The following DHRSX variants were observed in gnomAD, a reference collection of about 807,000 sequenced individuals.
DHRSX encodes the protein dehydrogenase/reductase X-linked.
Under a neutral mutation model 34.0 loss-of-function variants are expected in DHRSX, and 31 were observed. The observed-to-expected ratio is 0.91, with a 90% CI of 0.69 to 1.23. The LOEUF (loss-of-function observed/expected upper bound fraction) is 1.23, where lower values mean the gene tolerates loss of function less well. Ranked by LOEUF, DHRSX falls within the 50% of genes most tolerant of loss-of-function variation. DHRSX has a pLI of 0.00. For synonymous variants in DHRSX, 201 were observed against 183.8 expected, an observed-to-expected ratio of 1.09 and a Z score of -0.76; for missense variants, 414 against 428.1, an observed-to-expected ratio of 0.97 and a Z score of 0.29.
intron 4 of DHRSX, among the ~76,000 whole-genome samples, chrX:2,270,996 G>A (rs2041545693): frequency 6.6e-6 from 1 of 152,192 alleles, no homozygotes; most frequent in South Asian, 2.1e-4. Flanking sequence ...GATGTGGGCG[G>A]GGCCAAATAA....
rs2045408485 is a variant in DHRSX, at chrX:2,500,799, C to G, written c.109+18G>C. ...ACCCGGGTCCCCGGAGCCCTGACCCCTGCCCCGCCCCGCTGACCTGGCTCC... is the reference window on the plus strand; with the variant it reads ...ACCCGGGTCCCCGGAGCCCTGACCCGTGCCCCGCCCCGCTGACCTGGCTCC... On this transcript the variant is annotated intron_variant, in intron 1 of 6. Coordinates refer to ENST00000334651, the MANE Select transcript of DHRSX (RefSeq NM_145177.3). 9.0e-7 allele frequency: 1 copy of G among 1,114,444 alleles called. No individual in the cohort carries two copies. 69.0% of individuals were successfully genotyped at this position (1,114,444 alleles called of 1,614,324 possible).
At chrX:2,362,334 T>C (rs1022662862) in intron 3 of DHRSX, among the ~76,000 whole-genome samples, 5 of 152,208 alleles carry the variant, frequency 3.3e-5, no homozygotes, top group African/African-American at 1.2e-4. Context: ...AGAGTCTCAC[T>C]CTGTTGACCA....
chrX:2,450,010 A>G (rs2044194399), intron 1 of DHRSX, among the ~76,000 whole-genome samples: 1 of 152,112 alleles, frequency 6.6e-6, no homozygotes, highest in Non-Finnish European at 1.5e-5. Flanking sequence ...AACACAGATT[A>G]CCGAATTACA....
At chrX:2,231,364 A>C (rs1365210555) in intron 6 of DHRSX, among the ~76,000 whole-genome samples, 1 of 151,792 alleles carries the variant, frequency 6.6e-6, no homozygotes, top group Non-Finnish European at 1.5e-5. Flanking sequence ...TGAGCCTGAG[A>C]GAACCTCCCT....
chrX:2,472,871 T>C (rs1382329356), intron 1 of DHRSX, among the ~76,000 whole-genome samples: 1 of 152,138 alleles, frequency 6.6e-6, no homozygotes, highest in Non-Finnish European at 1.5e-5. Context: ...TCTTAGGAAA[T>C]CAGGGATTTC....
At chrX:2,283,320 G>A (rs2041754852) in intron 4 of DHRSX, among the ~76,000 whole-genome samples, 2 of 151,992 alleles carry the variant, frequency 1.3e-5, no homozygotes, top group South Asian at 4.2e-4. Flanking sequence ...AGGCGCCATC[G>A]GGAGAGGCAG....
intron 1 of DHRSX, chrX:2,488,708 T>C (rs759023776): frequency 5.6e-6 from 9 of 1,613,898 alleles, no homozygotes; most frequent in Middle Eastern, 1.7e-4. Context: ...CACCTGCTCC[T>C]GGTCCAGGCC....
chrX:2,250,205 T>C (rs1034570004), intron 5 of DHRSX, among the ~76,000 whole-genome samples: 2 of 151,716 alleles, frequency 1.3e-5, no homozygotes, highest in African/African-American at 4.8e-5. Context: ...CAAAAAGTCT[T>C]TTCTGGCTGG....
At chrX:2,398,739 G>A (rs1047327706) in intron 3 of DHRSX, among the ~76,000 whole-genome samples, 12 of 146,570 alleles carry the variant, frequency 8.2e-5, no homozygotes, top group African/African-American at 3.1e-4. Flanking sequence ...GTGCGATCTC[G>A]GCTCACTGAA....
chrX:2,373,336 T>C (rs1331013243), intron 3 of DHRSX, among the ~76,000 whole-genome samples: 5 of 152,152 alleles, frequency 3.3e-5, no homozygotes, highest in Non-Finnish European at 5.9e-5. Context: ...GCCAGAATCC[T>C]CACACTCTTT....
At chrX:2,480,597 C>T (rs945924232) in intron 1 of DHRSX, among the ~76,000 whole-genome samples, 2 of 151,798 alleles carry the variant, frequency 1.3e-5, no homozygotes, top group African/African-American at 2.4e-5. Context: ...GCAGGAGGAT[C>T]GCTTCAGCCC....
rs1056776161 is a variant in DHRSX, at chrX:2,391,972, C to T, written c.286+16773G>A. Among the ~76,000 whole-genome samples the T allele has an allele frequency of 2.8e-4, 42 of 152,174 alleles. 3 individuals are homozygous for T. The highest frequency in any genetic ancestry group is 2.0e-3 in the Admixed American group (31 of 15,272). The stretch of plus-strand genomic sequence containing the variant: ...AATTCAAGAGGGACTGTGAAAAGAG[C>T]AGTGATTGCTACACAGTCCAAGGCG... On this transcript the variant is annotated intron_variant, in intron 3 of 6. Coordinates refer to ENST00000334651, the MANE Select transcript of DHRSX (RefSeq NM_145177.3).
intron 1 of DHRSX, among the ~76,000 whole-genome samples, chrX:2,482,690 G>A (rs2044792871): frequency 6.6e-6 from 1 of 152,202 alleles, no homozygotes; most frequent in South Asian, 2.1e-4. Flanking sequence ...TGTGGATACA[G>A]TTTTGGAAGC....
intron 1 of DHRSX, among the ~76,000 whole-genome samples, chrX:2,448,307 T>C (rs1035927128): frequency 6.6e-6 from 1 of 152,180 alleles, no homozygotes; most frequent in African/African-American, 2.4e-5. Context: ...CACTCCACCG[T>C]GGGTGATAGG....
intron 3 of DHRSX, among the ~76,000 whole-genome samples, chrX:2,353,170 G>A (rs1336458193): frequency 2.0e-5 from 3 of 152,240 alleles, no homozygotes; most frequent in Admixed American, 6.5e-5. Flanking sequence ...GCTTGAGCCC[G>A]GAGGCAGAAA....
At chrX:2,291,627 A>G in intron 3 of DHRSX, 24 bp from the exon 4 acceptor site, 1 of 1,549,602 alleles carries the variant, frequency 6.5e-7, no homozygotes, top group Non-Finnish European at 8.9e-7. Flanking sequence ...ACAACAAAAA[A>G]TACCTGGTTA....
intron 1 of DHRSX, among the ~76,000 whole-genome samples, chrX:2,445,086 G>A (rs1386308292): frequency 6.6e-6 from 1 of 152,150 alleles, no homozygotes; most frequent in Non-Finnish European, 1.5e-5. Context: ...GAACCCAGGA[G>A]GTAGAGGTTA....
At chrX:2,255,690 C>G (rs1430793542) in intron 5 of DHRSX, among the ~76,000 whole-genome samples, 5 of 151,762 alleles carry the variant, frequency 3.3e-5, no homozygotes, top group Non-Finnish European at 7.4e-5. Context: ...GTGGGCAGAT[C>G]ATTCGAGGTC....
Position 2,271,104 on chromosome X carries a change from C to T in DHRSX, c.389-4157G>A, listed in dbSNP as rs2041547635. ...TCACCATAAATCTTGCTGCTGCTCA[C>T]TCTTTGGGTCTACACTACCTGTATG... On this transcript the variant is annotated intron_variant, in intron 4 of 6. Transcript: ENST00000334651. Among the ~76,000 whole-genome samples, 3 of 152,358 alleles carry T rather than the reference C, an allele frequency of 2.0e-5. No homozygotes were observed. In the South Asian group the frequency reaches 6.2e-4, roughly 32 times the overall value.
Sources: gnomAD v4.1 joint callset for allele counts (sites outside exome capture counted in the v4.1 genomes callset) on GRCh38, gnomAD v4.1.1 for gene constraint, MANE v1.5 for transcripts, NCBI Gene and HGNC (gene_info 2026-07-23, HGNC 2026-07-21) for gene names.